CPQ: variants seen among roughly 807,000 people sequenced by gnomAD.
The protein encoded by CPQ is Ser-Met dipeptidase.
In CPQ, 37 loss-of-function variants were observed where a neutral mutation model predicts 45.7. The ratio of observed to expected loss-of-function variants is 0.81; its 90% CI spans 0.62 to 1.07. The LOEUF is 1.07. CPQ is among the 50% of genes least tolerant of loss of function. The pLI is 0.00. For synonymous variants in CPQ, 186 were observed against 205.8 expected (o/e 0.90, Z 0.82); for missense variants, 537 against 572.9 (o/e 0.94, Z 0.64).
chr8:96,984,901 A>T (rs1245764518), intron 5 of CPQ, among the ~76,000 whole-genome samples: 1 of 152,150 alleles, frequency 6.6e-6, no homozygotes, highest in Non-Finnish European at 1.5e-5. Context: ...ATGTTCACTG[A>T]TATGTTTATG....
At chr8:96,838,270 T>C (rs575577590) in intron 3 of CPQ, among the ~76,000 whole-genome samples, 3 of 152,250 alleles carry the variant, frequency 2.0e-5, no homozygotes, top group East Asian at 3.9e-4. Flanking sequence ...CTTCACACAA[T>C]AGGAGTCTTT....
intron 1 of CPQ, among the ~76,000 whole-genome samples, chr8:96,690,428 T>C (rs527609171): frequency 7.2e-5 from 11 of 152,348 alleles, no homozygotes; most frequent in Non-Finnish European, 1.5e-4. Context: ...TGCCTTGCCT[T>C]CAGACAGATT....
At chr8:97,068,126 T>A (rs1810671184) in intron 7 of CPQ, among the ~76,000 whole-genome samples, 1 of 152,176 alleles carries the variant, frequency 6.6e-6, no homozygotes, top group African/African-American at 2.4e-5. Flanking sequence ...TTTTTTGTTG[T>A]GTTTGATCAT....
At chr8:96,871,556 TA>T (rs1279605681) in intron 3 of CPQ, among the ~76,000 whole-genome samples, 2 of 116,270 alleles carry the variant, frequency 1.7e-5, no homozygotes, top group Non-Finnish European at 3.6e-5. Flanking sequence ...TTTTTTTTTT[TA>T]AGCAGGCTGT....
chr8:96,786,649 T>A (rs1234114266), intron 2 of CPQ, among the ~76,000 whole-genome samples: 1 of 152,142 alleles, frequency 6.6e-6, no homozygotes, highest in Non-Finnish European at 1.5e-5. Context: ...CCACTGACAA[T>A]GTATTATAAT....
intron 1 of CPQ, among the ~76,000 whole-genome samples, chr8:96,760,456 TTCTC>T (rs1256752610): frequency 3.9e-5 from 6 of 152,188 alleles, no homozygotes; most frequent in Non-Finnish European, 5.9e-5. Context: ...AGCCCATGTT[TTCTC>T]CTCTATGCCT....
chr8:96,852,647 CAGAT>C lies in CPQ; in HGVS notation c.641+17471_641+17474del, dbSNP rs1811786830. On this transcript the variant is annotated intron_variant, in intron 3 of 7. Transcript: ENST00000220763. The stretch of plus-strand genomic sequence containing the variant: ...TTTTCACTCTTCTTTTGACAGGTGT[CAGAT>C]AGACAGTATGAGCTCATTTAAGCTG... Among the ~76,000 whole-genome samples the C allele has an allele frequency of 2.0e-5, 3 of 152,240 alleles. No individual in the cohort carries two copies. The South Asian group carries it at 6.2e-4, about 32-fold the overall frequency.
intron 5 of CPQ, among the ~76,000 whole-genome samples, chr8:96,970,200 G>A (rs1275881941): frequency 1.3e-5 from 2 of 152,218 alleles, no homozygotes; most frequent in African/African-American, 2.4e-5. Flanking sequence ...TGAAATGGAA[G>A]CCTAAAGGGT....
chr8:96,890,867 C>T lies in CPQ; in HGVS notation c.849+10862C>T, dbSNP rs541725822. Among the ~76,000 whole-genome samples, 6 of 152,264 alleles carry T rather than the reference C, an allele frequency of 3.9e-5. No individual in the cohort carries two copies. In the East Asian group the frequency reaches 1.2e-3, roughly 29 times the overall value. ...GGGGTGATGGTGAGTGATGCCACTT[C>T]CATTTCCACCCCTTGTTTTTTGGAC... On this transcript the variant is annotated intron_variant, in intron 4 of 7. Coordinates refer to ENST00000220763, the MANE Select transcript of CPQ (RefSeq NM_016134.4).
At chr8:96,708,319 G>A (rs1046686595) in intron 1 of CPQ, among the ~76,000 whole-genome samples, 4 of 151,864 alleles carry the variant, frequency 2.6e-5, no homozygotes, top group African/African-American at 9.7e-5. Context: ...ATATCCGTAG[G>A]TTCCAAGAAT....
At chr8:96,836,940 A>G (rs184407353) in intron 3 of CPQ, among the ~76,000 whole-genome samples, 1 of 152,268 alleles carries the variant, frequency 6.6e-6, no homozygotes, top group Non-Finnish European at 1.5e-5. Context: ...TTTATAGCCA[A>G]TCCATATTTC....
intron 1 of CPQ, among the ~76,000 whole-genome samples, chr8:96,658,549 A>G (rs1485585153): frequency 6.6e-6 from 1 of 152,230 alleles, no homozygotes; most frequent in Non-Finnish European, 1.5e-5. Flanking sequence ...GTTAGATTAC[A>G]TTGCAAAGGG....
At chr8:97,093,886 T>A (rs1222494963) in intron 7 of CPQ, among the ~76,000 whole-genome samples, 1 of 152,172 alleles carries the variant, frequency 6.6e-6, no homozygotes, top group Non-Finnish European at 1.5e-5. Context: ...ATCACTGGGA[T>A]CAGAATGGAA....
rs983986179 is a variant in CPQ, at chr8:96,658,006, G to A, written c.-35+12604G>A. ...ATCTGAGGCTGTATTTGTTACATTT[G>A]AGTATTTTAAATCATTAATGCCATA... On this transcript the variant is annotated intron_variant, in intron 1 of 7. Coordinates refer to ENST00000220763, the MANE Select transcript of CPQ (RefSeq NM_016134.4). Among the ~76,000 whole-genome samples the A allele has an allele frequency of 6.6e-5, 10 of 152,212 alleles. 1 individual carries two copies. In the South Asian group the frequency reaches 2.1e-3, roughly 32 times the overall value.
intron 4 of CPQ, among the ~76,000 whole-genome samples, chr8:96,927,011 G>A (rs1306847505): frequency 6.6e-6 from 1 of 152,188 alleles, no homozygotes; most frequent in African/African-American, 2.4e-5. Flanking sequence ...GAGAAAATGG[G>A]CGTAAGCTGC....
At chr8:96,706,147 C>T (rs568369026) in intron 1 of CPQ, among the ~76,000 whole-genome samples, 17 of 152,242 alleles carry the variant, frequency 1.1e-4, no homozygotes, top group East Asian at 7.7e-4. Flanking sequence ...TGTTTTAATA[C>T]GTGATCTTTG....
chr8:96,799,183 G>A (rs1810974179), intron 2 of CPQ, among the ~76,000 whole-genome samples: 1 of 152,178 alleles, frequency 6.6e-6, no homozygotes, highest in Non-Finnish European at 1.5e-5. Flanking sequence ...GTTCACCATG[G>A]CCTATTCTTT....
chr8:96,820,577 G>A (rs1037374251), intron 2 of CPQ, among the ~76,000 whole-genome samples: 2 of 151,790 alleles, frequency 1.3e-5, no homozygotes, highest in African/African-American at 4.8e-5. Flanking sequence ...GTCTTTCTGT[G>A]CTTGGACTTT....
chr8:96,717,185 CA>C (rs1809693979), intron 1 of CPQ, among the ~76,000 whole-genome samples: 1 of 149,134 alleles, frequency 6.7e-6, no homozygotes. Flanking sequence ...CTGCCATAAA[CA>C]TGTGTGTGCA....
Sources: allele counts gnomAD v4.1 joint callset (sites outside exome capture counted in the v4.1 genomes callset), GRCh38; gene constraint gnomAD v4.1.1; transcripts MANE v1.5; gene names NCBI Gene and HGNC (gene_info 2026-07-23, HGNC 2026-07-21).